NBPF15: variants seen among roughly 807,000 people sequenced by gnomAD.
The protein encoded by NBPF15 is NBPF family member NBPF15.
Under a neutral mutation model 62.2 loss-of-function variants are expected in NBPF15, and 74 were observed. The ratio of observed to expected loss-of-function variants is 1.19; its 90% CI spans 0.99 to 1.44. The LOEUF is 1.44. Among genes scored for constraint, NBPF15 ranks in the 40% most tolerant of loss-of-function variants. The pLI is 0.00. For missense variants in NBPF15, 790 were observed against 550.0 expected, an observed-to-expected ratio of 1.44 and a Z score of -4.36; for synonymous variants, 244 against 209.7, an observed-to-expected ratio of 1.16 and a Z score of -1.41.
chr1:144,446,125 T>G (rs1311250411), intron 6 of NBPF15, among the ~76,000 whole-genome samples: 1 of 151,730 alleles, frequency 6.6e-6, no homozygotes, highest in Non-Finnish European at 1.5e-5. Context: ...AGTGCTGAGA[T>G]TACAGGTGTG....
rs1173488707 is a variant in NBPF15 at position 144,440,000 on chromosome 1, C to T, written c.4G>A (p.Val2Met). Residue 2 changes from valine (V) to methionine (M), a missense_variant, in exon 8 of 22, where the codon GTG becomes ATG. Coordinates refer to ENST00000581897, the MANE Select transcript of NBPF15 (RefSeq NM_001385408.1). M[V>M]VSAGPLSSEK... ...CTGGACAAAGGGCCGGCTGATACCA[C>T]CATGCTGACGTTTGTGGCAGAAGAG... 5.5e-5 allele frequency: 89 copies of T among 1,607,508 alleles called. 1 individual carries two copies. The highest frequency in any genetic ancestry group is 7.2e-5 in the Non-Finnish European group (85 of 1,175,938).
At position 144,456,675 on chromosome 1, in the gene NBPF15, C is replaced by T. The variant is rs587601763; in HGVS notation, c.-570G>A. 4.4e-5 allele frequency: 64 copies of T among 1,439,762 alleles called. 1 individual carries two copies. The highest frequency in any genetic ancestry group is 4.3e-4 in the East Asian group (16 of 37,060). The allele number at this position is 1,439,762 out of a possible 1,614,324, so 89.2% of individuals were successfully genotyped here. ...CAGTGGGAGTTGGTGGCAGCCCCAG[C>T]GTGGAGGCCAAGAACACACAGCACT... On this transcript the variant is annotated 5_prime_UTR_variant, in exon 4 of 22. Coordinates refer to ENST00000581897, the MANE Select transcript of NBPF15 (RefSeq NM_001385408.1).
chr1:144,460,083 C>A (rs1293345533), intron 2 of NBPF15, among the ~76,000 whole-genome samples: 1 of 105,480 alleles, frequency 9.5e-6, no homozygotes, highest in African/African-American at 4.0e-5. Context: ...CACTCTGCCA[C>A]CCAGGCGGGA....
At chr1:144,428,536 C>T in intron 15 of NBPF15, 70 bp downstream of exon 15, 2 of 675,354 alleles carry the variant, frequency 3.0e-6, no homozygotes, top group Non-Finnish European at 2.6e-6. Context: ...TCAGCATGTA[C>T]TGTTTTCCCT....
At chr1:144,457,348 T>C (rs1648761130) in intron 3 of NBPF15, among the ~76,000 whole-genome samples, 1 of 151,996 alleles carries the variant, frequency 6.6e-6, no homozygotes, top group South Asian at 2.1e-4. Context: ...ACGTATATTC[T>C]ACAGGCTGTC....
intron 3 of NBPF15, among the ~76,000 whole-genome samples, chr1:144,457,561 C>T (rs1343552852): frequency 1.3e-5 from 2 of 151,910 alleles, no homozygotes; most frequent in East Asian, 3.9e-4. Context: ...TATGTTCCTT[C>T]ATTCATTCCT....
rs1365821712 is a variant in NBPF15, at chr1:144,444,371, G to A, written c.-190-4076C>T. On this transcript the variant is annotated intron_variant, in intron 6 of 21. Coordinates refer to ENST00000581897, the MANE Select transcript of NBPF15 (RefSeq NM_001385408.1). The stretch of plus-strand genomic sequence containing the variant: ...TTTTTCCTGGGCCTTAAAGCATGAC[G>A]AAATAACGAAGGCATTCTTAACAGG... Among the ~76,000 whole-genome samples, 34 of 151,268 alleles carry A rather than the reference G, an allele frequency of 2.2e-4. 2 individuals are homozygous for A. Among genetic ancestry groups the A allele is most frequent in the South Asian group, 4.2e-4 (2 of 4,750 alleles).
intron 8 of NBPF15, among the ~76,000 whole-genome samples, chr1:144,439,055 C>A (rs1438677901): frequency 2.6e-5 from 4 of 151,752 alleles, no homozygotes; most frequent in Non-Finnish European, 5.9e-5. Context: ...AAAATCTTGG[C>A]TCACTGCAAC....
At chr1:144,427,593 G>A (rs1670676596) in intron 16 of NBPF15, among the ~76,000 whole-genome samples, 1 of 146,110 alleles carries the variant, frequency 6.8e-6, no homozygotes, top group Non-Finnish European at 1.5e-5. Context: ...GTAGGATTAG[G>A]GCGCCACAGG....
At chr1:144,442,551 A>C (rs868918040) in intron 6 of NBPF15, 1 of 151,750 alleles carries the variant, frequency 6.6e-6, no homozygotes, top group Non-Finnish European at 1.5e-5. Context: ...GGCGGCCCCA[A>C]CAGCAGCGAC....
At chr1:144,444,220 G>A (rs376880710) in intron 6 of NBPF15, among the ~76,000 whole-genome samples, 12 of 149,740 alleles carry the variant, frequency 8.0e-5, no homozygotes, top group East Asian at 3.9e-4. Flanking sequence ...ACAGGCCTCC[G>A]TAACAACTGT....
At position 144,435,465 on chromosome 1, in the gene NBPF15, C is replaced by T. The variant is rs1394584492; in HGVS notation, c.567-149G>A. On this transcript the variant is annotated intron_variant, in intron 11 of 21. Transcript: ENST00000581897. Reference sequence around the variant, plus strand: ...TCCCATTAAGAGGGAACATGCAATCCTGTTCTCTCTGCAACAGAGCATGGC... The same window carrying T: ...TCCCATTAAGAGGGAACATGCAATCTTGTTCTCTCTGCAACAGAGCATGGC... 58 of 1,280,524 alleles carry T rather than the reference C, an allele frequency of 4.5e-5. 1 individual carries two copies. Among genetic ancestry groups the T allele is most frequent in the Non-Finnish European group, 6.0e-5 (54 of 893,338 alleles). The allele number at this position is 1,280,524 out of a possible 1,614,324, so 79.3% of individuals were successfully genotyped here. A position where few individuals can be genotyped will look rare whatever the true frequency, so the allele number is the denominator to read the frequency against.
rs781824326 is a variant in NBPF15, at chr1:144,423,947, TTTCTTCCCCTTCCCC to T, written c.1677_1691del (p.Gly560_Lys564del). The T allele has an allele frequency of 1.3e-6, 1 of 776,596 alleles. No individual in the cohort carries two copies. Among genetic ancestry groups the T allele is most frequent in the African/African-American group, 1.7e-5 (1 of 59,294 alleles). 48.1% of individuals were successfully genotyped at this position (776,596 alleles called of 1,614,324 possible). On this transcript the variant is annotated inframe_deletion, in exon 21 of 22. Coordinates refer to ENST00000581897, the MANE Select transcript of NBPF15 (RefSeq NM_001385408.1). Reference sequence around the variant, plus strand: ...TCTTCTTTGATCTTCTTCCCCTTCTTTTCTTCCCCTTCCCCTTCTTTTCAATTTCTGCAATAAATT... The same window carrying T: ...TCTTCTTTGATCTTCTTCCCCTTCTTTTCTTTTCAATTTCTGCAATAAATT...
intron 3 of NBPF15, among the ~76,000 whole-genome samples, chr1:144,459,072 A>T (rs1650393646): frequency 6.6e-6 from 1 of 151,474 alleles, no homozygotes; most frequent in Non-Finnish European, 1.5e-5. Flanking sequence ...ACTAAAATAA[A>T]ATTGCTATAA....
intron 5 of NBPF15, among the ~76,000 whole-genome samples, chr1:144,450,399 A>T (rs1690319297): frequency 6.6e-6 from 1 of 151,918 alleles, no homozygotes; most frequent in East Asian, 1.9e-4. Flanking sequence ...CTGGAGTCAG[A>T]GTGTCTCCCC....
At chr1:144,426,543 T>G (rs782219937) in intron 17 of NBPF15, 93 bp from the exon 18 acceptor site, 32,782 of 748,290 alleles carry the variant, frequency 0.044, 1,183 homozygotes, top group Non-Finnish European at 0.053. Flanking sequence ...AGGAACTGTT[T>G]AAAAAGAAAA....
At chr1:144,439,578 G>A (rs1681314440) in intron 8 of NBPF15, among the ~76,000 whole-genome samples, 1 of 152,124 alleles carries the variant, frequency 6.6e-6, no homozygotes, top group African/African-American at 2.4e-5. Context: ...GTCATTCTGT[G>A]CCTGTGTCAG....
chr1:144,444,383 G>A (rs1267473472), intron 6 of NBPF15, among the ~76,000 whole-genome samples: 8 of 151,514 alleles, frequency 5.3e-5, no homozygotes, highest in African/African-American at 1.2e-4. Context: ...AATAACGAAG[G>A]CATTCTTAAC....
intron 14 of NBPF15, 146 bp downstream of exon 14, chr1:144,429,552 CCA>C: frequency 1.6e-6 from 1 of 610,698 alleles, no homozygotes; most frequent in South Asian, 1.9e-5. Flanking sequence ...AGACTCGACT[CCA>C]GAGTGATTGA....
Sources: gnomAD v4.1 joint callset for allele counts (sites outside exome capture counted in the v4.1 genomes callset) on GRCh38, gnomAD v4.1.1 for gene constraint, MANE v1.5 for transcripts, NCBI Gene and HGNC (gene_info 2026-07-23, HGNC 2026-07-21) for gene names.